ANK1: variants seen among roughly 807,000 people sequenced by gnomAD.
ANK1 encodes the protein ankyrin 1, also known as ankyrin-1.
In ANK1, 51 loss-of-function variants were observed where a neutral mutation model predicts 210.4. The observed-to-expected ratio is 0.24, with a 90% CI of 0.19 to 0.31. The LOEUF (loss-of-function observed/expected upper bound fraction) is 0.31, where lower values mean the gene tolerates loss of function less well. ANK1 is among the 10% of genes least tolerant of loss of function. ANK1 has a pLI of 1.00. For synonymous variants in ANK1, 967 were observed against 1,025.9 expected, an observed-to-expected ratio of 0.94 and a Z score of 1.10; for missense variants, 2,051 against 2,504.4, an observed-to-expected ratio of 0.82 and a Z score of 3.86.
chr8:41,879,356 G>T (rs774661093), intron 1 of ANK1, among the ~76,000 whole-genome samples: 1 of 152,140 alleles, frequency 6.6e-6, no homozygotes, highest in Non-Finnish European at 1.5e-5. Flanking sequence ...ACCAATATAA[G>T]GGATTACTAT....
rs1304996996 is a variant in ANK1, at chr8:41,694,774, T to C, written c.3145A>G (p.Lys1049Glu). 1 of 1,613,972 alleles carries C rather than the reference T, an allele frequency of 6.2e-7. No homozygotes were observed. Among genetic ancestry groups the C allele is most frequent in the African/African-American group, 1.3e-5 (1 of 74,880 alleles). The change falls in exon 28 of 43, where the codon AAG becomes GAG. Residue 1049 changes from lysine (K) to glutamate (E), a missense_variant. This residue lies in a region of ANK1 where 1,413 missense variants were observed against 1,707.4 expected (regional missense o/e 0.83). Transcript: ENST00000289734. The surrounding 1 kb of genome is among the most constrained non-coding windows in gnomAD (Gnocchi z 5.7). ...GTGGTGATGATTCGGCACACCCTCTTCTTCTCTAGCTCCTCCAGGCTCCCC... is the reference window on the plus strand; with the variant it reads ...GTGGTGATGATTCGGCACACCCTCTCCTTCTCTAGCTCCTCCAGGCTCCCC... ...ELGSLEELEK[K>E]RVCRIITTDF...
intron 1 of ANK1, among the ~76,000 whole-genome samples, chr8:41,852,788 A>G (rs1811501409): frequency 6.6e-6 from 1 of 152,062 alleles, no homozygotes; most frequent in Non-Finnish European, 1.5e-5. Flanking sequence ...CCTCAAGGCA[A>G]TCCTCTCCCC....
chr8:41,822,123 AGAAAGAAAGAGAAAG>A (rs1804486970), intron 1 of ANK1, among the ~76,000 whole-genome samples: 1 of 58,782 alleles, frequency 1.7e-5, no homozygotes, highest in African/African-American at 5.6e-5. Context: ...AGAAAGAAAG[AGAAAGAAAGAGAAAG>A]AAAGAAAGAA....
intron 1 of ANK1, among the ~76,000 whole-genome samples, chr8:41,765,173 CCTTT>C (rs34701042): frequency 0.16 from 23,682 of 147,520 alleles, 2,203 homozygotes; most frequent in South Asian, 0.23. Context: ...CCTTTCTTTT[CCTTT>C]CTTTCTTTCT....
At chr8:41,874,174 C>T (rs890907731) in intron 1 of ANK1, among the ~76,000 whole-genome samples, 3 of 152,204 alleles carry the variant, frequency 2.0e-5, no homozygotes, top group African/African-American at 7.2e-5. Context: ...GTAGGGCAGC[C>T]GCACTTAGGG....
At chr8:41,820,088 C>A (rs1803962630) in intron 1 of ANK1, among the ~76,000 whole-genome samples, 1 of 152,084 alleles carries the variant, frequency 6.6e-6, no homozygotes, top group Admixed American at 6.6e-5. Flanking sequence ...AATAAAAATA[C>A]TCATACTCCC....
At chr8:41,865,914 C>T (rs1814344960) in intron 1 of ANK1, among the ~76,000 whole-genome samples, 1 of 152,154 alleles carries the variant, frequency 6.6e-6, no homozygotes, top group South Asian at 2.1e-4. Context: ...AAAATCTCTC[C>T]AAGGTATGAA....
intron 1 of ANK1, among the ~76,000 whole-genome samples, chr8:41,845,565 G>C (rs1809857176): frequency 6.6e-6 from 1 of 152,006 alleles, no homozygotes; most frequent in South Asian, 2.1e-4. Flanking sequence ...GGGGAGAAGA[G>C]TCTGGGGCTT....
chr8:41,655,422 A>T lies in ANK1; in HGVS notation c.*368T>A. On this transcript the variant is annotated 3_prime_UTR_variant, in exon 43 of 43. Coordinates refer to ENST00000289734, the MANE Select transcript of ANK1 (RefSeq NM_000037.4). ...AAAAAAAACCCCAAAACCAAAACCC[A>T]TCCCCAGCCACAAAAAGCCCTCATT... The T allele has an allele frequency of 2.8e-6, 1 of 355,324 alleles. No individual in the cohort carries two copies. The allele number at this position is 355,324 out of a possible 1,614,324, so 22.0% of individuals were successfully genotyped here.
At chr8:41,679,973 A>C (rs1815449829) in intron 37 of ANK1, among the ~76,000 whole-genome samples, 1 of 151,952 alleles carries the variant, frequency 6.6e-6, no homozygotes, top group South Asian at 2.1e-4. Context: ...TGTCTTGAAA[A>C]CTGTTGTCTC....
chr8:41,825,933 A>G (rs1161877462), intron 1 of ANK1, among the ~76,000 whole-genome samples: 3 of 152,152 alleles, frequency 2.0e-5, no homozygotes, highest in African/African-American at 7.2e-5. Context: ...TGGAACTGTG[A>G]GTCCATTAAA....
intron 3 of ANK1, among the ~76,000 whole-genome samples, chr8:41,729,805 G>A (rs931207566): frequency 8.5e-5 from 13 of 152,072 alleles, no homozygotes; most frequent in Non-Finnish European, 1.6e-4. Flanking sequence ...GGGGGTCCTG[G>A]ACCACAATGT....
intron 30 of ANK1, 38 bp downstream of exon 30, chr8:41,693,067 G>A (rs369668525): frequency 1.2e-5 from 19 of 1,557,238 alleles, no homozygotes; most frequent in Admixed American, 1.2e-4. Context: ...GCCTGAGGAC[G>A]GCCCACACAA....
chr8:41,844,401 A>G (rs1809612286), intron 1 of ANK1, among the ~76,000 whole-genome samples: 1 of 152,182 alleles, frequency 6.6e-6, no homozygotes, highest in Non-Finnish European at 1.5e-5. Flanking sequence ...TCGGCCCAGG[A>G]CAAACAAGTA....
chr8:41,787,752 C>A (rs1846718998), intron 1 of ANK1, among the ~76,000 whole-genome samples: 2 of 152,054 alleles, frequency 1.3e-5, no homozygotes, highest in Admixed American at 1.3e-4. Flanking sequence ...GAGGTGGAGG[C>A]TGCAGTGGGC....
chr8:41,893,786 G>A (rs1421389640), intron 1 of ANK1, among the ~76,000 whole-genome samples: 1 of 152,172 alleles, frequency 6.6e-6, no homozygotes, highest in East Asian at 1.9e-4. Flanking sequence ...CGGAAACTGG[G>A]TCCACACACT....
chr8:41,843,460 G>C (rs914453343), intron 1 of ANK1, among the ~76,000 whole-genome samples: 1 of 144,414 alleles, frequency 6.9e-6, no homozygotes, highest in Non-Finnish European at 1.5e-5. Context: ...TTCTGAATGC[G>C]TGTTTAAAGG....
In ANK1 at chr8:41,734,028, A is replaced by G. The variant is rs189165787; in HGVS notation, c.171T>C (p.His57=). The change falls in exon 3 of 43, where the codon CAT becomes CAC. Residue 57 remains histidine (H), a synonymous_variant. Coordinates refer to ENST00000289734, the MANE Select transcript of ANK1 (RefSeq NM_000037.4). ...NGLHLASKEG[H]VKMVVELLHK... is the part of the protein sequence containing the mutation. Reference sequence around the variant, plus strand: ...GCAGAAGTTCAACCACCATTTTCACATGGCCTTCCTTAGAAGCCAGATGCA... The same window carrying G: ...GCAGAAGTTCAACCACCATTTTCACGTGGCCTTCCTTAGAAGCCAGATGCA... 24 of 1,614,232 alleles carry G rather than the reference A, an allele frequency of 1.5e-5. No individual in the cohort carries two copies. The highest frequency in any genetic ancestry group is 1.9e-5 in the Non-Finnish European group (23 of 1,180,024).
rs57077078 is a variant in ANK1, at chr8:41,703,422, G to GTATATATATATATATATA, written c.2295+601_2295+618dup. On this transcript the variant is annotated intron_variant, in intron 20 of 42. Coordinates refer to ENST00000289734, the MANE Select transcript of ANK1 (RefSeq NM_000037.4). The stretch of plus-strand genomic sequence containing the variant: ...TATATGTGTGTGTGTGTGTGTGTGT[G>GTATATATATATATATATA]TATATATATATATATATATATATAT... Among the ~76,000 whole-genome samples the GTATATATATATATATATA allele has an allele frequency of 2.9e-3, 153 of 53,658 alleles. 6 individuals are homozygous for GTATATATATATATATATA. The highest frequency in any genetic ancestry group is 3.6e-3 in the Non-Finnish European group (103 of 28,734). The allele number at this position is 53,658 out of a possible 152,430, so 35.2% of individuals were successfully genotyped here.
Sources: gnomAD v4.1 joint callset for allele counts (sites outside exome capture counted in the v4.1 genomes callset) on GRCh38, gnomAD v4.1.1 for gene constraint, gnomAD v4.1.1 regional missense constraint, Gnocchi (gnomAD v3.1) non-coding constraint, MANE v1.5 for transcripts, NCBI Gene and HGNC (gene_info 2026-07-23, HGNC 2026-07-21) for gene names.